The following CNTN3 variants were observed in gnomAD, a reference collection of about 807,000 sequenced individuals.
CNTN3 encodes contactin-3.
A neutral mutation model predicts 119.1 loss-of-function variants in CNTN3; 60 were observed. That is an observed-to-expected ratio of 0.50 (90% CI 0.41 to 0.62). CNTN3 has a LOEUF of 0.62. CNTN3 is among the 20% of genes least tolerant of loss of function. The probability of loss-of-function intolerance (pLI) is 0.00; values close to 1 mark genes in which losing one functional copy is unlikely to be tolerated. For missense variants in CNTN3, 1,101 were observed against 1,242.4 expected, an observed-to-expected ratio of 0.89 and a Z score of 1.71; for synonymous variants, 450 against 438.7, an observed-to-expected ratio of 1.03 and a Z score of -0.32.
At chr3:74,377,887 A>G (rs1398500789) in intron 5 of CNTN3, among the ~76,000 whole-genome samples, 1 of 152,200 alleles carries the variant, frequency 6.6e-6, no homozygotes, top group African/African-American at 2.4e-5. Context: ...ACACTAATAC[A>G]TATAATACTG....
intron 1 of CNTN3, among the ~76,000 whole-genome samples, chr3:74,529,286 C>T (rs140293874): frequency 0.016 from 2,503 of 151,936 alleles, 40 homozygotes; most frequent in Admixed American, 0.053. Flanking sequence ...GTATCTTCCA[C>T]GTTAAAATAT....
At chr3:74,448,265 T>A (rs1443926735) in intron 4 of CNTN3, among the ~76,000 whole-genome samples, 1 of 152,160 alleles carries the variant, frequency 6.6e-6, no homozygotes, top group Non-Finnish European at 1.5e-5. Flanking sequence ...AACAAGTAGA[T>A]AAGTTTCTTT....
intron 13 of CNTN3, among the ~76,000 whole-genome samples, chr3:74,303,055 G>C (rs1702490833): frequency 6.6e-6 from 1 of 152,096 alleles, no homozygotes; most frequent in Non-Finnish European, 1.5e-5. Flanking sequence ...GGCATTTATG[G>C]TTTCAAAAAT....
At chr3:74,499,546 A>G in intron 3 of CNTN3, 113 bp downstream of exon 3, 1 of 888,516 alleles carries the variant, frequency 1.1e-6, no homozygotes, top group Non-Finnish European at 1.7e-6. Context: ...CTATAGCTTC[A>G]CGTATTTTTT....
chr3:74,604,227 A>G (rs9824538), intron 1 of CNTN3, among the ~76,000 whole-genome samples: 31,818 of 152,078 alleles, frequency 0.21, 6,451 homozygotes, highest in African/African-American at 0.52. Context: ...AAGCACAGGG[A>G]AAAGGCTCCA....
In CNTN3 at chr3:74,263,140, A is replaced by G. The variant is rs1378069668; in HGVS notation, c.*1261T>C. ...ACTGATTTTGCAATGTTGAAAACTCAATCTGCTGATTTTAATTTATTCTCT... is the reference window on the plus strand; with the variant it reads ...ACTGATTTTGCAATGTTGAAAACTCGATCTGCTGATTTTAATTTATTCTCT... On this transcript the variant is annotated 3_prime_UTR_variant, in exon 23 of 23. Transcript: ENST00000263665. The G allele has an allele frequency of 3.3e-5, 5 of 152,154 alleles. No individual in the cohort carries two copies. Among genetic ancestry groups the G allele is most frequent in the African/African-American group, 1.2e-4 (5 of 41,454 alleles). 9.4% of individuals were successfully genotyped at this position (152,154 alleles called of 1,614,324 possible).
rs149856089 is a variant in CNTN3 at position 74,446,762 on chromosome 3, T to C, written c.359-21822A>G. 4.0e-3 allele frequency among the ~76,000 whole-genome samples: 608 copies of C among 151,858 alleles called. 1 individual carries two copies. Among genetic ancestry groups the C allele is most frequent in the African/African-American group, 0.014 (583 of 41,410 alleles). ...TATGTGGCCCCACATTATATTTCTA[T>C]TGGACAGTGCTACCCTAGAGTATTT... On this transcript the variant is annotated intron_variant, in intron 4 of 22. Coordinates refer to ENST00000263665, the MANE Select transcript of CNTN3 (RefSeq NM_020872.3).
chr3:74,267,506 A>G, intron 20 of CNTN3, 128 bp from the exon 21 acceptor site: 1 of 606,986 alleles, frequency 1.6e-6, no homozygotes, highest in Non-Finnish European at 2.9e-6. Flanking sequence ...TGCTTGGTGT[A>G]ATAGATGAAA....
intron 5 of CNTN3, among the ~76,000 whole-genome samples, chr3:74,420,770 G>A (rs1349624052): frequency 2.0e-5 from 3 of 152,312 alleles, no homozygotes; most frequent in African/African-American, 4.8e-5. Flanking sequence ...ATGAGTCAGA[G>A]CATCCAGGTT....
intron 4 of CNTN3, among the ~76,000 whole-genome samples, chr3:74,456,286 A>T (rs1221089901): frequency 1.3e-5 from 2 of 152,074 alleles, no homozygotes; most frequent in Non-Finnish European, 2.9e-5. Flanking sequence ...ATGTTTAGTT[A>T]GTTACTTTTA....
intron 2 of CNTN3, among the ~76,000 whole-genome samples, chr3:74,501,936 AGAAAT>A (rs898972172): frequency 6.6e-6 from 1 of 152,174 alleles, no homozygotes; most frequent in African/African-American, 2.4e-5. Context: ...TTCACTGAAT[AGAAAT>A]AATAAGTAAA....
intron 1 of CNTN3, among the ~76,000 whole-genome samples, chr3:74,590,886 T>C (rs753167586): frequency 6.6e-6 from 1 of 152,032 alleles, no homozygotes; most frequent in Non-Finnish European, 1.5e-5. Context: ...CTCAGTGATA[T>C]TGGTCTGCTG....
intron 4 of CNTN3, among the ~76,000 whole-genome samples, chr3:74,458,949 C>G (rs750871654): frequency 6.6e-6 from 1 of 151,992 alleles, no homozygotes; most frequent in Non-Finnish European, 1.5e-5. Context: ...AAGTTGCAGA[C>G]CAACTGCAGA....
chr3:74,596,417 C>T (rs545189320), intron 1 of CNTN3, among the ~76,000 whole-genome samples: 42 of 152,218 alleles, frequency 2.8e-4, no homozygotes, highest in South Asian at 1.0e-3. Context: ...GGAGGCCTCA[C>T]GCTACCTGAC....
At chr3:74,493,239 G>C (rs1292266521) in intron 3 of CNTN3, among the ~76,000 whole-genome samples, 3 of 152,054 alleles carry the variant, frequency 2.0e-5, no homozygotes, top group African/African-American at 7.2e-5. Flanking sequence ...ATTTAAAGCA[G>C]CAGGCTCTAA....
In CNTN3 at chr3:74,614,459, G is replaced by GCCGCCA. The variant is rs953109908; in HGVS notation, c.-155_-150dup. Among the ~76,000 whole-genome samples, 4 of 102,382 alleles carry GCCGCCA rather than the reference G, an allele frequency of 3.9e-5. No individual in the cohort carries two copies. Among genetic ancestry groups the GCCGCCA allele is most frequent in the South Asian group, 3.2e-4 (1 of 3,096 alleles). The allele number at this position is 102,382 out of a possible 152,430, so 67.2% of individuals were successfully genotyped here. ...CGCCGCCGCCGCCGCCGCCGCCGCC[G>GCCGCCA]CCGCCACCGCCGCCGCCGCAGTTAG... On this transcript the variant is annotated 5_prime_UTR_variant, in exon 1 of 23. Coordinates refer to ENST00000263665, the MANE Select transcript of CNTN3 (RefSeq NM_020872.3).
intron 4 of CNTN3, among the ~76,000 whole-genome samples, chr3:74,470,170 G>A (rs1392551567): frequency 6.6e-6 from 1 of 152,054 alleles, no homozygotes; most frequent in Non-Finnish European, 1.5e-5. Flanking sequence ...CTTTTTAGGG[G>A]CTGGAGTGGG....
At chr3:74,469,067 C>A (rs1275149896) in intron 4 of CNTN3, among the ~76,000 whole-genome samples, 1 of 151,900 alleles carries the variant, frequency 6.6e-6, no homozygotes, top group Non-Finnish European at 1.5e-5. Context: ...AATCTAGAAA[C>A]AATTTAAATT....
intron 5 of CNTN3, among the ~76,000 whole-genome samples, chr3:74,385,335 T>C (rs749215016): frequency 3.9e-5 from 6 of 152,202 alleles, no homozygotes; most frequent in Non-Finnish European, 8.8e-5. Flanking sequence ...TGTCCTCTTA[T>C]ATATGAATAT....
Sources: gnomAD v4.1 joint callset for allele counts (sites outside exome capture counted in the v4.1 genomes callset) on GRCh38, gnomAD v4.1.1 for gene constraint, MANE v1.5 for transcripts, NCBI Gene and HGNC (gene_info 2026-07-23, HGNC 2026-07-21) for gene names.